TMEM266: variants seen among roughly 807,000 people sequenced by gnomAD.
TMEM266 encodes the protein Hv1 related protein 1.
TMEM266 carries 33 observed loss-of-function variants against 50.5 expected under a neutral mutation model. That is an observed-to-expected ratio of 0.65 (90% CI 0.50 to 0.87). The LOEUF (loss-of-function observed/expected upper bound fraction) is 0.87, where lower values mean the gene tolerates loss of function less well. Ranked by LOEUF, TMEM266 falls within the 40% of genes least tolerant of loss-of-function variation. The probability of loss-of-function intolerance (pLI) is 0.00; values close to 1 mark genes in which losing one functional copy is unlikely to be tolerated. For synonymous variants in TMEM266, 310 were observed against 292.3 expected (o/e 1.06, Z -0.62); for missense variants, 655 against 695.1 (o/e 0.94, Z 0.65).
intron 1 of TMEM266, among the ~76,000 whole-genome samples, chr15:76,062,999 T>C (rs1333934042): frequency 6.6e-6 from 1 of 152,238 alleles, no homozygotes; most frequent in Non-Finnish European, 1.5e-5. Context: ...ATATTTGTTT[T>C]TCCTTGATCG....
At chr15:76,077,412 C>T (rs1425019511) in intron 1 of TMEM266, among the ~76,000 whole-genome samples, 2 of 152,036 alleles carry the variant, frequency 1.3e-5, no homozygotes, top group African/African-American at 2.4e-5. Flanking sequence ...AATCCCAGTC[C>T]TCAAAATCCA....
chr15:76,077,187 A>G (rs965126527), intron 1 of TMEM266, among the ~76,000 whole-genome samples: 2 of 151,632 alleles, frequency 1.3e-5, no homozygotes, highest in Non-Finnish European at 2.9e-5. Context: ...CTGGTCTCGA[A>G]CTCCTGAGCT....
At chr15:76,107,676 A>G (rs1291145671) in intron 1 of TMEM266, among the ~76,000 whole-genome samples, 2 of 152,200 alleles carry the variant, frequency 1.3e-5, no homozygotes, top group Non-Finnish European at 2.9e-5. Context: ...TTGTGTTCCC[A>G]GCACCTAGTC....
rs753624101 is a variant in TMEM266 at position 76,203,881 on chromosome 15, A to G, written c.1162A>G (p.Ser388Gly). 6.2e-7 allele frequency: 1 copy of G among 1,614,138 alleles called. No individual in the cohort carries two copies. The highest frequency in any genetic ancestry group is 1.1e-5 in the South Asian group (1 of 91,080). Residue 388 changes from serine to glycine, a missense_variant, in exon 11 of 11, where the codon AGT becomes GGT. Around this residue, in one of 3 missense-constraint regions of TMEM266, gnomAD observed 455 missense variants for 401.8 expected, o/e 1.13. Coordinates refer to ENST00000388942, the MANE Select transcript of TMEM266 (RefSeq NM_152335.3). ...TAATGGCACCAGCGCCACCTCGGAG[A>G]GTGCCTCCCGCAGCTCAGTCACCCG...
chr15:76,099,720 C>T (rs956971004), intron 1 of TMEM266, among the ~76,000 whole-genome samples: 6 of 152,032 alleles, frequency 3.9e-5, no homozygotes, highest in African/African-American at 9.7e-5. Context: ...GGCAGGGAGA[C>T]GTATTTGATT....
chr15:76,116,876 C>T (rs1157207086), intron 1 of TMEM266, among the ~76,000 whole-genome samples: 1 of 150,586 alleles, frequency 6.6e-6, no homozygotes, highest in East Asian at 1.9e-4. Context: ...GTATAATTTA[C>T]AAACAGTAAA....
chr15:76,178,687 G>A (rs942964168), intron 8 of TMEM266: 16 of 152,216 alleles, frequency 1.1e-4, no homozygotes, highest in African/African-American at 3.6e-4. Flanking sequence ...TCCACATGTG[G>A]CCTCCTTCCC....
Position 76,137,844 on chromosome 15 carries a change from C to T in TMEM266, c.176C>T (p.Thr59Met), listed in dbSNP as rs758162612. The T allele has an allele frequency of 4.6e-5, 74 of 1,607,538 alleles. No homozygotes were observed. The highest frequency in any genetic ancestry group is 1.7e-4 in the South Asian group (15 of 90,096). The change falls in exon 3 of 11, where the codon ACG (threonine) becomes ATG (methionine). Residue 59 changes from threonine to methionine, a missense_variant. By Grantham distance (81) the Thr-to-Met change is moderately conservative. This residue lies in a region of TMEM266 where 99 missense variants were observed against 110.8 expected (regional missense o/e 0.89). Coordinates refer to ENST00000388942, the MANE Select transcript of TMEM266 (RefSeq NM_152335.3). The stretch of plus-strand genomic sequence containing the variant: ...CCCCTGGCTGCTGTCGATCTCTCCA[C>T]GGCGGGCTCGCAGCTCCTGTCAAAT...
At chr15:76,129,851 C>T (rs1378472842) in intron 1 of TMEM266, among the ~76,000 whole-genome samples, 1 of 151,884 alleles carries the variant, frequency 6.6e-6, no homozygotes, top group Non-Finnish European at 1.5e-5. Context: ...CTCTTTGGCT[C>T]CTGATTCAAC....
chr15:76,178,960 G>A (rs2038347827), intron 8 of TMEM266, among the ~76,000 whole-genome samples: 1 of 152,210 alleles, frequency 6.6e-6, no homozygotes, highest in South Asian at 2.1e-4. Flanking sequence ...GGAGTCTGTG[G>A]TGCCCACTCC....
At chr15:76,122,206 A>G (rs979007391) in intron 1 of TMEM266, among the ~76,000 whole-genome samples, 3 of 152,244 alleles carry the variant, frequency 2.0e-5, no homozygotes, top group African/African-American at 7.2e-5. Flanking sequence ...TGCTGTCATG[A>G]TGATGGGAAA....
intron 1 of TMEM266, among the ~76,000 whole-genome samples, chr15:76,091,431 TC>T (rs1362284890): frequency 6.6e-6 from 1 of 151,914 alleles, no homozygotes; most frequent in Non-Finnish European, 1.5e-5. Context: ...ATGCTTGTAA[TC>T]CCAGCACTTT....
intron 1 of TMEM266, among the ~76,000 whole-genome samples, chr15:76,089,286 G>A (rs1226732655): frequency 4.7e-5 from 5 of 106,584 alleles, no homozygotes; most frequent in East Asian, 5.8e-4. Flanking sequence ...CTGCCGCTCC[G>A]GGTTCATGCC....
chr15:76,200,124 G>C (rs8038885), intron 9 of TMEM266, among the ~76,000 whole-genome samples: 5,967 of 152,228 alleles, frequency 0.039, 353 homozygotes, highest in African/African-American at 0.13. Flanking sequence ...CAGAGGGTGG[G>C]CTCACTGTGA....
chr15:76,197,015 CAG>C (rs2038666353), intron 9 of TMEM266, among the ~76,000 whole-genome samples: 1 of 152,142 alleles, frequency 6.6e-6, no homozygotes, highest in Non-Finnish European at 1.5e-5. Flanking sequence ...CCATATATCA[CAG>C]GGAACCTTCG....
intron 5 of TMEM266, among the ~76,000 whole-genome samples, chr15:76,167,481 A>G (rs967944959): frequency 6.6e-6 from 1 of 151,520 alleles, no homozygotes. Flanking sequence ...AAAAAAAAAA[A>G]AAAGAAACCA....
chr15:76,078,377 A>G (rs1567142511), intron 1 of TMEM266, among the ~76,000 whole-genome samples: 1 of 151,236 alleles, frequency 6.6e-6, no homozygotes, highest in South Asian at 2.1e-4. Context: ...ACACACACAG[A>G]TGAATACATT....
intron 1 of TMEM266, among the ~76,000 whole-genome samples, chr15:76,104,758 T>G (rs1309772195): frequency 2.6e-5 from 4 of 151,962 alleles, no homozygotes. Flanking sequence ...GGGGAGAAGG[T>G]GTAAAGTAGT....
intron 1 of TMEM266, among the ~76,000 whole-genome samples, chr15:76,083,357 C>G (rs552617250): frequency 4.0e-5 from 6 of 151,614 alleles, no homozygotes; most frequent in Non-Finnish European, 7.4e-5. Context: ...TCCTTGGTCT[C>G]GAGCAAGGTA....
Sources: gnomAD v4.1 joint callset for allele counts (sites outside exome capture counted in the v4.1 genomes callset) on GRCh38, gnomAD v4.1.1 for gene constraint, gnomAD v4.1.1 regional missense constraint, MANE v1.5 for transcripts, NCBI Gene and HGNC (gene_info 2026-07-23, HGNC 2026-07-21) for gene names.